Variants in DMD observed in about 807,000 individuals in gnomAD.
DMD encodes dystrophin.
DMD carries 63 observed loss-of-function variants against 330.1 expected under a neutral mutation model. The ratio of observed to expected loss-of-function variants is 0.19; its 90% CI spans 0.16 to 0.24. DMD has a LOEUF of 0.24. Among genes scored for constraint, DMD ranks in the 10% least tolerant of loss-of-function variants. The pLI is 1.00. For synonymous variants in DMD, 1,223 were observed against 959.8 expected (o/e 1.27, Z -5.07); for missense variants, 3,344 against 2,684.1 (o/e 1.25, Z -5.43).
intron 51 of DMD, among the ~76,000 whole-genome samples, chrX:31,752,441 C>T (rs1025888415): frequency 9.0e-6 from 1 of 111,030 alleles, no homozygotes; most frequent in Admixed American, 9.6e-5. Flanking sequence ...CCAGTCATAC[C>T]AGGCTCCTGT....
chrX:31,712,969 G>A (rs1245496274), intron 52 of DMD, among the ~76,000 whole-genome samples: 1 of 111,438 alleles, frequency 9.0e-6, no homozygotes, highest in Non-Finnish European at 1.9e-5. Flanking sequence ...GAGGATGGAA[G>A]TGGACAGGTC....
intron 4 of DMD, among the ~76,000 whole-genome samples, chrX:32,836,433 C>T (rs2079638932): frequency 9.0e-6 from 1 of 111,336 alleles, no homozygotes; most frequent in Admixed American, 9.6e-5. Flanking sequence ...TTTTAAACTG[C>T]ATACATTTGT....
At chrX:32,999,317 T>C (rs1007991361) in intron 2 of DMD, among the ~76,000 whole-genome samples, 1 of 111,686 alleles carries the variant, frequency 9.0e-6, no homozygotes, top group Non-Finnish European at 1.9e-5. Flanking sequence ...TTTTAGCTCA[T>C]CATCTATCAT....
At chrX:32,294,848 A>G (rs2097488877) in intron 42 of DMD, among the ~76,000 whole-genome samples, 1 of 111,510 alleles carries the variant, frequency 9.0e-6, no homozygotes, top group African/African-American at 3.3e-5. Flanking sequence ...GTCAGAGATG[A>G]GATCTCTGAT....
chrX:31,156,627 CT>C (rs1312546330), intron 74 of DMD, among the ~76,000 whole-genome samples: 1 of 112,035 alleles, frequency 8.9e-6, no homozygotes, highest in Non-Finnish European at 1.9e-5. Flanking sequence ...GGTCGACATT[CT>C]ATATGTCAAA....
At chrX:32,285,393 A>T (rs2097436121) in intron 43 of DMD, among the ~76,000 whole-genome samples, 1 of 112,060 alleles carries the variant, frequency 8.9e-6, no homozygotes, top group Admixed American at 9.4e-5. Flanking sequence ...AAAGTACACC[A>T]TGGTGGCGAT....
intron 32 of DMD, among the ~76,000 whole-genome samples, chrX:32,389,149 C>T (rs2097982588): frequency 9.0e-6 from 1 of 111,634 alleles, no homozygotes; most frequent in Non-Finnish European, 1.9e-5. Context: ...GTTTACCTGG[C>T]ATCCATTATT....
At chrX:32,620,398 C>G (rs975173518) in intron 11 of DMD, among the ~76,000 whole-genome samples, 1 of 111,948 alleles carries the variant, frequency 8.9e-6, no homozygotes, top group South Asian at 3.7e-4. Flanking sequence ...AGCTTTCTTC[C>G]AATATGCATT....
chrX:32,035,476 T>C (rs2095935641), intron 44 of DMD: 1 of 253,941 alleles, frequency 3.9e-6, no homozygotes, highest in Middle Eastern at 5.2e-4. Flanking sequence ...GTCCTATATG[T>C]GGATGTGTGA....
Position 31,206,629 on chromosome X carries a change from G to A in DMD, c.9602C>T (p.Thr3201Ile). The A allele has an allele frequency of 8.3e-7, 1 of 1,211,027 alleles. No homozygotes were observed. ...TGRIRVLSFK[T>I]GIISLCKAHL... ...TGCTTTACACAGGGAAATGATGCCA[G>A]TTTTAAAAGACAGGACACGGATCCT... The change falls in exon 66 of 79, where the codon ACT becomes ATT. Residue 3201 changes from threonine (T) to isoleucine (I), a missense_variant. Coordinates refer to ENST00000357033, the MANE Select transcript of DMD (RefSeq NM_004006.3).
chrX:32,799,001 T>C (rs1301850514), intron 7 of DMD, among the ~76,000 whole-genome samples: 1 of 111,270 alleles, frequency 9.0e-6, no homozygotes, highest in East Asian at 2.8e-4. Context: ...CCAATTGATA[T>C]CAAACCCAAC....
Position 32,380,719 on chromosome X carries a change from T to C in DMD, c.4675-39A>G, listed in dbSNP as rs775275046. ...TAATGAAATGTAATTTAGTTTACTCTTTAATTCAAATTTCGTTATAACCAC... is the reference window on the plus strand; with the variant it reads ...TAATGAAATGTAATTTAGTTTACTCCTTAATTCAAATTTCGTTATAACCAC... On this transcript the variant is annotated intron_variant, in intron 33 of 78. Transcript: ENST00000357033. 7.8e-6 allele frequency: 9 copies of C among 1,148,467 alleles called. No homozygotes were observed. The Admixed American group carries it at 2.0e-4, about 25-fold the overall frequency. 94.6% of individuals were successfully genotyped at this position (1,148,467 alleles called of 1,213,427 possible). A position where few individuals can be genotyped will look rare whatever the true frequency, so the allele number is the denominator to read the frequency against.
chrX:33,207,466 TAGC>T (rs1385576144), intron 1 of DMD, among the ~76,000 whole-genome samples: 1 of 111,472 alleles, frequency 9.0e-6, no homozygotes, highest in East Asian at 2.8e-4. Flanking sequence ...GATTCACAAA[TAGC>T]AGAGTTACTC....
intron 1 of DMD, among the ~76,000 whole-genome samples, chrX:33,126,558 C>T (rs186213806): frequency 8.9e-6 from 1 of 111,790 alleles, no homozygotes; most frequent in Non-Finnish European, 1.9e-5. Context: ...TATCGTCTTC[C>T]AAGAGTGTGT....
intron 55 of DMD, among the ~76,000 whole-genome samples, chrX:31,567,247 CTA>C (rs1337198138): frequency 4.5e-5 from 5 of 111,275 alleles, no homozygotes; most frequent in African/African-American, 1.6e-4. Context: ...ACTTCCAGAA[CTA>C]TGTTAAAAAA....
Position 33,279,194 on chromosome X carries a change from G to A in DMD, c.7+60065C>T, listed in dbSNP as rs188738088. On this transcript the variant is annotated intron_variant, in intron 1 of 17. Transcript: ENST00000288447. ...CATAAAGCGAATCTCAATAAATTTCGAAAATTGAAATAAAAGCAAACAAAT... is the reference window on the plus strand; with the variant it reads ...CATAAAGCGAATCTCAATAAATTTCAAAAATTGAAATAAAAGCAAACAAAT... Among the ~76,000 whole-genome samples, 222 of 111,553 alleles carry A rather than the reference G, an allele frequency of 2.0e-3. 2 individuals carry two copies. Among genetic ancestry groups the A allele is most frequent in the African/African-American group, 6.7e-3 (207 of 30,711 alleles).
chrX:32,402,458 C>G (rs1013038498), intron 30 of DMD, among the ~76,000 whole-genome samples: 2 of 110,680 alleles, frequency 1.8e-5, no homozygotes, highest in African/African-American at 6.6e-5. Context: ...TTTATTAACC[C>G]CTAAACCTGT....
chrX:32,759,718 T>C (rs2071979734), intron 7 of DMD, among the ~76,000 whole-genome samples: 1 of 111,292 alleles, frequency 9.0e-6, no homozygotes, highest in East Asian at 2.9e-4. Flanking sequence ...AATTCAGATA[T>C]GCAAAGTTTA....
chrX:32,668,199 A>G (rs1478403039), intron 9 of DMD, among the ~76,000 whole-genome samples: 1 of 111,459 alleles, frequency 9.0e-6, no homozygotes, highest in African/African-American at 3.3e-5. Flanking sequence ...CTCAGAGCCT[A>G]AGTATAATTT....
Sources: gnomAD v4.1 joint callset for allele counts (sites outside exome capture counted in the v4.1 genomes callset) on GRCh38, gnomAD v4.1.1 for gene constraint, MANE v1.5 for transcripts, NCBI Gene and HGNC (gene_info 2026-07-23, HGNC 2026-07-21) for gene names.